RIC8B: variants seen among roughly 807,000 people sequenced by gnomAD.
RIC8B encodes the protein chaperone Ric-8B.
Under a neutral mutation model 57.5 loss-of-function variants are expected in RIC8B, and 16 were observed. The ratio of observed to expected loss-of-function variants is 0.28; its 90% CI spans 0.19 to 0.42. The LOEUF is 0.42. Ranked by LOEUF, RIC8B falls within the 10% of genes least tolerant of loss-of-function variation. The pLI is 1.00. For missense variants in RIC8B, 481 were observed against 677.0 expected (o/e 0.71, Z 3.21); for synonymous variants, 216 against 250.8 (o/e 0.86, Z 1.31).
At chr12:106,809,267 T>C (rs766343335) in intron 2 of RIC8B, among the ~76,000 whole-genome samples, 7 of 152,208 alleles carry the variant, frequency 4.6e-5, no homozygotes, top group Non-Finnish European at 7.3e-5. Flanking sequence ...CTCAGGCCTG[T>C]AATCCCAGCA....
intron 2 of RIC8B, chr12:106,797,978 C>A (rs1266405487): frequency 1.4e-6 from 1 of 699,194 alleles, no homozygotes; most frequent in Non-Finnish European, 2.6e-6. Flanking sequence ...TGATTTTAGG[C>A]ACCCGAAATG....
intron 4 of RIC8B, among the ~76,000 whole-genome samples, chr12:106,838,427 A>G (rs932818645): frequency 1.3e-5 from 2 of 151,910 alleles, no homozygotes; most frequent in East Asian, 3.9e-4. Flanking sequence ...AGTCTCAGCT[A>G]CTCCGGAGGC....
intron 3 of RIC8B, among the ~76,000 whole-genome samples, chr12:106,824,113 C>T (rs1275560513): frequency 6.6e-6 from 1 of 152,212 alleles, no homozygotes; most frequent in African/African-American, 2.4e-5. Flanking sequence ...TTTCCCCCTA[C>T]AATGATTTAT....
At chr12:106,873,095 C>G in intron 9 of RIC8B, 1 of 985,298 alleles carries the variant, frequency 1.0e-6, no homozygotes, top group Non-Finnish European at 1.2e-6. Flanking sequence ...CTGAAATACC[C>G]CAGCTTCCAC....
chr12:106,836,407 TCTCCACTTGGATGTCAA>T (rs1021781348), intron 4 of RIC8B, among the ~76,000 whole-genome samples: 1 of 152,152 alleles, frequency 6.6e-6, no homozygotes, highest in Non-Finnish European at 1.5e-5. Flanking sequence ...CCTATTAACA[TCTCCACTTGGATGTCAA>T]CTAGACACCC....
chr12:106,847,538 AGACT>A (rs942436071), intron 6 of RIC8B, among the ~76,000 whole-genome samples: 5 of 152,180 alleles, frequency 3.3e-5, no homozygotes, highest in Non-Finnish European at 4.4e-5. Context: ...ACCCAGCCAG[AGACT>A]GAAATATGGA....
At position 106,853,932 on chromosome 12, in the gene RIC8B, AG is replaced by A. The variant is rs749695406; in HGVS notation, c.1306+2341del. 2.4e-4 allele frequency among the ~76,000 whole-genome samples: 37 copies of A among 152,312 alleles called. 1 individual carries two copies. In the East Asian group the frequency reaches 6.2e-3, roughly 25 times the overall value. On this transcript the variant is annotated intron_variant, in intron 7 of 9. Coordinates refer to ENST00000392837, the MANE Select transcript of RIC8B (RefSeq NM_001330145.2). ...CATGTATTACTTACTTTTTTATTTAAGGGTCACAGACTCAAATGCCTACAGC... is the reference window on the plus strand; with the variant it reads ...CATGTATTACTTACTTTTTTATTTAAGGTCACAGACTCAAATGCCTACAGC...
intron 1 of RIC8B, among the ~76,000 whole-genome samples, chr12:106,780,162 A>G (rs1186204592): frequency 6.6e-6 from 1 of 152,142 alleles, no homozygotes; most frequent in Non-Finnish European, 1.5e-5. Context: ...AGCCTCAAAG[A>G]TAATAGGGCC....
intron 4 of RIC8B, among the ~76,000 whole-genome samples, chr12:106,832,318 A>G (rs2046385567): frequency 6.6e-6 from 1 of 152,142 alleles, no homozygotes; most frequent in Non-Finnish European, 1.5e-5. Context: ...ATGTAATCCC[A>G]GCATTTTGGG....
In RIC8B at chr12:106,860,306, G is replaced by A. The variant is rs1474893011; in HGVS notation, c.1345G>A (p.Ala449Thr). ...GAAATACACTGGCTATGGGAATGCT[G>A]CAGGACTGTTGGCGGCCAGGGGCCT... is the stretch of plus-strand genomic sequence containing the variant. ...LLKYTGYGNAAGLLAARGLLA... is the reference protein window; with the variant it reads ...LLKYTGYGNATGLLAARGLLA... The change falls in exon 8 of 10, where the codon GCA (alanine) becomes ACA (threonine). Residue 449 changes from alanine (A) to threonine (T), a missense_variant. Transcript: ENST00000392837. The A allele has an allele frequency of 6.2e-7, 1 of 1,609,692 alleles. No homozygotes were observed. The highest frequency in any genetic ancestry group is 1.1e-5 in the South Asian group (1 of 90,456).
At chr12:106,846,061 G>T (rs1472730954) in intron 6 of RIC8B, among the ~76,000 whole-genome samples, 1 of 152,102 alleles carries the variant, frequency 6.6e-6, no homozygotes, top group African/African-American at 2.4e-5. Context: ...CTGCTGCCAT[G>T]GTGATCTCAT....
intron 4 of RIC8B, among the ~76,000 whole-genome samples, chr12:106,839,086 A>G (rs559506527): frequency 2.6e-5 from 4 of 152,214 alleles, no homozygotes; most frequent in Non-Finnish European, 4.4e-5. Context: ...GTAAATTAGT[A>G]TAGCCATTAT....
intron 2 of RIC8B, among the ~76,000 whole-genome samples, chr12:106,785,025 T>C (rs1328309172): frequency 1.3e-5 from 2 of 152,200 alleles, no homozygotes; most frequent in African/African-American, 2.4e-5. Context: ...AAATCCAAAA[T>C]AACAATCTGA....
At chr12:106,839,037 G>A (rs1221116025) in intron 4 of RIC8B, among the ~76,000 whole-genome samples, 1 of 151,186 alleles carries the variant, frequency 6.6e-6, no homozygotes, top group Non-Finnish European at 1.5e-5. Context: ...TGGTAAGGAT[G>A]TGAAGAAAAG....
intron 1 of RIC8B, among the ~76,000 whole-genome samples, chr12:106,783,338 G>A (rs1435381754): frequency 6.6e-6 from 1 of 152,186 alleles, no homozygotes; most frequent in East Asian, 1.9e-4. Flanking sequence ...GTTCCAGAGA[G>A]TTTACTTGCT....
intron 2 of RIC8B, among the ~76,000 whole-genome samples, chr12:106,787,662 G>T (rs2044093068): frequency 6.6e-6 from 1 of 152,072 alleles, no homozygotes. Context: ...AAATGAGGAA[G>T]ATGCAAAAGT....
At chr12:106,791,123 C>G (rs1036141492) in intron 2 of RIC8B, among the ~76,000 whole-genome samples, 2 of 151,980 alleles carry the variant, frequency 1.3e-5, no homozygotes, top group African/African-American at 4.8e-5. Context: ...AAGTAGAATC[C>G]CAAGCACAGC....
At chr12:106,814,140 T>C (rs1358967439) in intron 2 of RIC8B, among the ~76,000 whole-genome samples, 4 of 152,126 alleles carry the variant, frequency 2.6e-5, no homozygotes, top group African/African-American at 9.7e-5. Context: ...AGTGGGAACT[T>C]TTTTCTGTAG....
intron 4 of RIC8B, among the ~76,000 whole-genome samples, chr12:106,837,917 C>T (rs575221982): frequency 0.17 from 68 of 412 alleles, no homozygotes; most frequent in Non-Finnish European, 0.24. Flanking sequence ...GCTGAGATTA[C>T]AGGCGTGAGC....
Sources: gnomAD v4.1 joint callset for allele counts (sites outside exome capture counted in the v4.1 genomes callset) on GRCh38, gnomAD v4.1.1 for gene constraint, MANE v1.5 for transcripts, NCBI Gene and HGNC (gene_info 2026-07-23, HGNC 2026-07-21) for gene names.